Variants in CALN1 observed in about 807,000 individuals in gnomAD.
CALN1 encodes calcium-binding protein 8.
In CALN1, 17 loss-of-function variants were observed where a neutral mutation model predicts 30.6. The ratio of observed to expected loss-of-function variants is 0.56; its 90% CI spans 0.38 to 0.83. The LOEUF (loss-of-function observed/expected upper bound fraction) is 0.83, where lower values mean the gene tolerates loss of function less well. Ranked by LOEUF, CALN1 falls within the 40% of genes least tolerant of loss-of-function variation. The pLI is 0.00. For synonymous variants in CALN1, 156 were observed against 131.4 expected, an observed-to-expected ratio of 1.19 and a Z score of -1.28; for missense variants, 291 against 354.9, an observed-to-expected ratio of 0.82 and a Z score of 1.45.
At position 71,811,139 on chromosome 7, in the gene CALN1, C is replaced by T. The variant is rs146903972; in HGVS notation, c.502-647G>A. ...TTTGAACTCCTGACCTCAAGTGATCCGCCCGCCTCGGCCTCCCAAAGTGCT... is the reference window on the plus strand; with the variant it reads ...TTTGAACTCCTGACCTCAAGTGATCTGCCCGCCTCGGCCTCCCAAAGTGCT... On this transcript the variant is annotated intron_variant, in intron 5 of 6. Transcript: ENST00000395275. 2.4e-3 allele frequency among the ~76,000 whole-genome samples: 368 copies of T among 151,990 alleles called. 2 individuals carry two copies. The highest frequency in any genetic ancestry group is 0.01 in the Middle Eastern group (3 of 294).
At chr7:72,406,120 G>A (rs767543565) in intron 1 of CALN1, among the ~76,000 whole-genome samples, 11 of 152,150 alleles carry the variant, frequency 7.2e-5, no homozygotes, top group Admixed American at 6.5e-4. Context: ...CAAAGCCAGG[G>A]GACCCAAAAT....
intron 3 of CALN1, among the ~76,000 whole-genome samples, chr7:72,214,025 G>A (rs1445385673): frequency 2.0e-5 from 3 of 152,154 alleles, no homozygotes; most frequent in Non-Finnish European, 4.4e-5. Context: ...CACAGGAGGA[G>A]CACAGGCCTC....
rs201179248 is a variant in CALN1, at chr7:72,403,273, G to A, written c.97C>T (p.Gln33Ter). 3.7e-4 allele frequency: 576 copies of A among 1,550,040 alleles called. 3 individuals are homozygous for A. In the African/African-American group the frequency reaches 6.2e-3, roughly 17 times the overall value. ...TGCCAGGTGGGGAAGTCGGGGGCCT[G>A]GCTCCTCGGCGGCTCCTCTCCCCCT... is the stretch of plus-strand genomic sequence containing the variant. ...LGGGEEPPRSQAPDFPTWEKM... is the reference protein window; with the variant it reads ...LGGGEEPPRS Residue 33 changes from glutamine to a stop codon, truncating the protein, a stop_gained, in exon 2 of 7, where the codon CAG (glutamine) becomes TAG (stop). Transcript: ENST00000395275. LOFTEE classifies it high-confidence loss of function.
intron 2 of CALN1, among the ~76,000 whole-genome samples, chr7:72,371,994 A>G (rs149368088): frequency 6.6e-6 from 1 of 152,286 alleles, no homozygotes; most frequent in Non-Finnish European, 1.5e-5. Context: ...TGAGTTTACC[A>G]TTTCCTCCTT....
intron 3 of CALN1, among the ~76,000 whole-genome samples, chr7:72,150,657 G>C (rs1029443615): frequency 4.6e-5 from 7 of 152,170 alleles, no homozygotes; most frequent in African/African-American, 1.7e-4. Context: ...GAGAACGTGA[G>C]AGGGGCTGAG....
intron 3 of CALN1, among the ~76,000 whole-genome samples, chr7:72,161,186 G>A (rs1788083769): frequency 6.6e-6 from 1 of 152,146 alleles, no homozygotes; most frequent in South Asian, 2.1e-4. Flanking sequence ...GATGACATAA[G>A]GAGGATTCCC....
In CALN1 at chr7:72,174,167, A is replaced by G. The variant is rs532027561; in HGVS notation, c.245-67873T>C. Reference sequence around the variant, plus strand: ...GTACACATCATTAGTCATTAGGAAAAGGCAAATAGAAACAACAGTTATATA... The same window carrying G: ...GTACACATCATTAGTCATTAGGAAAGGGCAAATAGAAACAACAGTTATATA... On this transcript the variant is annotated intron_variant, in intron 3 of 6. Coordinates refer to ENST00000395275, the MANE Select transcript of CALN1 (RefSeq NM_031468.4). Among the ~76,000 whole-genome samples, 10 of 152,318 alleles carry G rather than the reference A, an allele frequency of 6.6e-5. No homozygotes were observed. The South Asian group carries it at 1.9e-3, about 28-fold the overall frequency.
chr7:71,807,857 C>T (rs975394505), intron 6 of CALN1, among the ~76,000 whole-genome samples: 4 of 152,080 alleles, frequency 2.6e-5, no homozygotes, highest in Admixed American at 6.6e-5. Context: ...GGGCGGATTA[C>T]GAGGTCAGGA....
chr7:71,916,799 A>C (rs1310288689), intron 5 of CALN1, among the ~76,000 whole-genome samples: 1 of 152,118 alleles, frequency 6.6e-6, no homozygotes, highest in African/African-American at 2.4e-5. Flanking sequence ...TGGAACTTAA[A>C]ATAAAAGTTG....
chr7:72,008,748 C>T lies in CALN1; in HGVS notation c.501+14909G>A, dbSNP rs546539579. Among the ~76,000 whole-genome samples the T allele has an allele frequency of 5.1e-4, 78 of 151,692 alleles. 2 individuals carry two copies. In the South Asian group the frequency reaches 0.01, roughly 20 times the overall value. On this transcript the variant is annotated intron_variant, in intron 5 of 6. Coordinates refer to ENST00000395275, the MANE Select transcript of CALN1 (RefSeq NM_031468.4). Reference sequence around the variant, plus strand: ...TCGGCTCACTGCAACCTCCGCCTCCCGGGTTCAAGTGATTCTCCTGCCTCA... The same window carrying T: ...TCGGCTCACTGCAACCTCCGCCTCCTGGGTTCAAGTGATTCTCCTGCCTCA...
chr7:71,847,515 C>A (rs7804471), intron 5 of CALN1, among the ~76,000 whole-genome samples: 80,153 of 147,290 alleles, frequency 0.54, 23,661 homozygotes, highest in East Asian at 0.85. Flanking sequence ...AAAACCAAAA[C>A]CAAAAACAAA....
At chr7:72,467,041 A>G in the CALN1 span, among the ~76,000 whole-genome samples, 3 of 152,122 alleles carry the variant, frequency 2.0e-5, no homozygotes, top group Admixed American at 1.3e-4. Flanking sequence ...GTTAATCAGA[A>G]GCCTGTTCCT....
intron 2 of CALN1, among the ~76,000 whole-genome samples, chr7:72,324,557 GTAATTTAT>G (rs1303596150): frequency 7.3e-5 from 5 of 68,612 alleles, no homozygotes; most frequent in African/African-American, 1.1e-4. Flanking sequence ...TTTAAATGAT[GTAATTTAT>G]TTATTTATTT....
rs146502891 is a variant in CALN1, at chr7:71,879,218, T to C, written c.502-68726A>G. Among the ~76,000 whole-genome samples, 1,163 of 152,312 alleles carry C rather than the reference T, an allele frequency of 7.6e-3. 14 individuals are homozygous for C. Among genetic ancestry groups the C allele is most frequent in the African/African-American group, 0.026 (1,092 of 41,568 alleles). ...CATAAAATATTTAAATAAATTGCCA[T>C]TGAAAAACAACTGAGATATGTTTTT... On this transcript the variant is annotated intron_variant, in intron 5 of 6. Coordinates refer to ENST00000395275, the MANE Select transcript of CALN1 (RefSeq NM_031468.4).
At chr7:72,045,116 A>G (rs1208437341) in intron 4 of CALN1, among the ~76,000 whole-genome samples, 1 of 152,260 alleles carries the variant, frequency 6.6e-6, no homozygotes, top group Non-Finnish European at 1.5e-5. Context: ...AGCTGAAGAT[A>G]GTCATCCATT....
chr7:71,818,239 A>G (rs1788382342), intron 5 of CALN1, among the ~76,000 whole-genome samples: 1 of 152,076 alleles, frequency 6.6e-6, no homozygotes, highest in African/African-American at 2.4e-5. Context: ...CCTACTATCA[A>G]AGACCTAAAG....
chr7:72,337,435 CA>C, intron 2 of CALN1: 14 of 224,630 alleles, frequency 6.2e-5, no homozygotes, highest in Non-Finnish European at 1.0e-4. Flanking sequence ...CACACACACA[CA>C]CACACGCATG....
intron 3 of CALN1, among the ~76,000 whole-genome samples, chr7:72,121,432 T>C (rs1808385404): frequency 6.8e-6 from 1 of 146,880 alleles, no homozygotes; most frequent in Non-Finnish European, 1.5e-5. Flanking sequence ...ATAGATATCA[T>C]GTTATATAAT....
chr7:71,835,489 A>G (rs1167727024), intron 5 of CALN1, among the ~76,000 whole-genome samples: 2 of 152,206 alleles, frequency 1.3e-5, no homozygotes, highest in East Asian at 3.8e-4. Flanking sequence ...AAATATGGCA[A>G]GTGGCATTGC....
Sources: allele counts gnomAD v4.1 joint callset (sites outside exome capture counted in the v4.1 genomes callset), GRCh38; gene constraint gnomAD v4.1.1; transcripts MANE v1.5; gene names NCBI Gene and HGNC (gene_info 2026-07-23, HGNC 2026-07-21).